The following FMO1 variants were observed in gnomAD, a reference collection of about 807,000 sequenced individuals.
FMO1 encodes the protein flavin-containing monooxygenase 1.
In FMO1, 36 loss-of-function variants were observed where a neutral mutation model predicts 45.4. That is an observed-to-expected ratio of 0.79 (90% CI 0.61 to 1.05). FMO1 has a LOEUF of 1.05. Among genes scored for constraint, FMO1 ranks in the 50% least tolerant of loss-of-function variants. The pLI is 0.00. For synonymous variants in FMO1, 228 were observed against 227.2 expected (o/e 1.00, Z -0.03); for missense variants, 615 against 640.3 (o/e 0.96, Z 0.43).
intron 2 of FMO1, among the ~76,000 whole-genome samples, chr1:171,261,819 C>G (rs1660389828): frequency 6.6e-6 from 1 of 152,134 alleles, no homozygotes. Flanking sequence ...CCAGCTACCA[C>G]AGTTTTAAGG....
intron 8 of FMO1, among the ~76,000 whole-genome samples, chr1:171,284,737 AAAAAAAGAAAAAAG>A (rs1438593448): frequency 2.0e-5 from 3 of 151,244 alleles, no homozygotes; most frequent in Non-Finnish European, 4.4e-5. Context: ...GTAAAAAAAA[AAAAAAAGAAAAAAG>A]AAAAAAAGAA....
In FMO1 at chr1:171,282,252, A is replaced by G. The variant is rs758840236; in HGVS notation, c.1102A>G (p.Ile368Val). 20 of 1,613,870 alleles carry G rather than the reference A, an allele frequency of 1.2e-5. No individual in the cohort carries two copies. Among genetic ancestry groups the G allele is most frequent in the Admixed American group, 3.3e-5 (2 of 59,980 alleles). ...ACATCTGCAAAAGCCAACCCTGGCC[A>G]TTATTGGCCTCATCAAACCCTTGGG... ...PAHLQKPTLAIIGLIKPLGSM... is the reference protein window; with the variant it reads ...PAHLQKPTLAVIGLIKPLGSM... Residue 368 changes from isoleucine (I) to valine (V), a missense_variant, in exon 7 of 9, where the codon ATT (isoleucine) becomes GTT (valine). Ile to Val is a conservative substitution (Grantham distance 29). Transcript: ENST00000617670.
rs1661594546 is a variant in FMO1, at chr1:171,285,516, T to C, written c.1571T>C (p.Leu524Pro). 2 of 1,510,390 alleles carry C rather than the reference T, an allele frequency of 1.3e-6. No homozygotes were observed. Among genetic ancestry groups the C allele is most frequent in the Non-Finnish European group, 1.8e-6 (2 of 1,130,954 alleles). 93.6% of individuals were successfully genotyped at this position (1,510,390 alleles called of 1,614,324 possible). The change falls in exon 9 of 9, where the codon CTT becomes CCT. Residue 524 changes from leucine (L) to proline (P), a missense_variant. Transcript: ENST00000617670. ...AAAGTCTTTAGCTTTCTGGCTTTGC[T>C]TGTGGCTATTTTTCTGATTTTCCTA... ...FLKVFSFLAL[L>P]VAIFLIFL
Position 171,285,011 on chromosome 1 carries a change from A to G in FMO1, c.1257-191A>G, listed in dbSNP as rs188699414. On this transcript the variant is annotated intron_variant, in intron 8 of 8. Transcript: ENST00000617670. ...CCATTAAAAGCCATATGTATAAAGT[A>G]TCTTTTGAAGGGACTCATCTTGATT... is the stretch of plus-strand genomic sequence containing the variant. Among the ~76,000 whole-genome samples the G allele has an allele frequency of 1.4e-3, 212 of 152,334 alleles. 1 individual carries two copies. Among genetic ancestry groups the G allele is most frequent in the African/African-American group, 4.8e-3 (198 of 41,576 alleles).
At chr1:171,272,971 T>G (rs1208868441) in intron 3 of FMO1, among the ~76,000 whole-genome samples, 1 of 151,900 alleles carries the variant, frequency 6.6e-6, no homozygotes, top group Non-Finnish European at 1.5e-5. Context: ...GGGCCAGGGG[T>G]AGAGTAATAT....
At position 171,260,752 on chromosome 1, in the gene FMO1, G is replaced by A. The variant is rs181299971; in HGVS notation, c.132+2533G>A. Among the ~76,000 whole-genome samples the A allele has an allele frequency of 4.1e-3, 625 of 151,740 alleles. 1 individual carries two copies. The highest frequency in any genetic ancestry group is 0.014 in the African/African-American group (595 of 41,374). On this transcript the variant is annotated intron_variant, in intron 2 of 8. Transcript: ENST00000617670. ...TCGAGACCAGCCTGGTCAACATGGC[G>A]AAATCCCATCTCTACTAAAATACAA...
intron 2 of FMO1, among the ~76,000 whole-genome samples, chr1:171,265,433 G>T (rs146480268): frequency 6.6e-5 from 10 of 150,822 alleles, no homozygotes; most frequent in African/African-American, 2.4e-4. Context: ...AAAAAAGAAT[G>T]CTTAGAAAAA....
chr1:171,263,825 T>G (rs1204458952), intron 2 of FMO1, among the ~76,000 whole-genome samples: 1 of 152,096 alleles, frequency 6.6e-6, no homozygotes, highest in Non-Finnish European at 1.5e-5. Context: ...TATTGAAGGC[T>G]GGCAGGGCCT....
chr1:171,258,110 T>C lies in FMO1; in HGVS notation c.23T>C (p.Val8Ala). 1 of 1,614,152 alleles carries C rather than the reference T, an allele frequency of 6.2e-7. No individual in the cohort carries two copies. Among genetic ancestry groups the C allele is most frequent in the Admixed American group, 1.7e-5 (1 of 60,026 alleles). ...AACATGGCCAAGCGAGTTGCCATTG[T>C]GGGAGCTGGGGTCAGCGGCCTGGCC... Reference protein sequence around the residue: MAKRVAIVGAGVSGLASI... With the variant: MAKRVAIAGAGVSGLASI... Residue 8 changes from valine to alanine, a missense_variant, in exon 2 of 9, where the codon GTG becomes GCG. Physicochemically the swap from Val to Ala is moderately conservative, Grantham distance 64 (BLOSUM62 0). Coordinates refer to ENST00000617670, the MANE Select transcript of FMO1 (RefSeq NM_001282693.2).
intron 3 of FMO1, chr1:171,271,176 T>A (rs2101823213): frequency 1.2e-6 from 1 of 855,774 alleles, no homozygotes; most frequent in East Asian, 2.4e-5. Flanking sequence ...GCTTGTCTTC[T>A]GCAGCAGTGT....
intron 4 of FMO1, among the ~76,000 whole-genome samples, chr1:171,277,212 C>G (rs1305320101): frequency 6.6e-6 from 1 of 152,196 alleles, no homozygotes; most frequent in Non-Finnish European, 1.5e-5. Flanking sequence ...AGATGGCACA[C>G]ACTCCTTGCG....
In FMO1 at chr1:171,280,871, G is replaced by C. The variant is rs141233517; in HGVS notation, c.713G>C (p.Arg238Pro). 2 of 1,613,920 alleles carry C rather than the reference G, an allele frequency of 1.2e-6. No individual in the cohort carries two copies. Among genetic ancestry groups the C allele is most frequent in the East Asian group, 2.2e-5 (1 of 44,868 alleles). ...CCATGGGACATGGTGTTCATGACAC[G>C]CTTTCAGAACATGTTGAGAAATTCC... ...GYPWDMVFMTRFQNMLRNSLP... is the reference protein window; with the variant it reads ...GYPWDMVFMTPFQNMLRNSLP... Residue 238 changes from arginine (R) to proline (P), a missense_variant, in exon 6 of 9, where the codon CGC (arginine) becomes CCC (proline). Coordinates refer to ENST00000617670, the MANE Select transcript of FMO1 (RefSeq NM_001282693.2).
At chr1:171,268,043 T>C (rs1036679944) in intron 3 of FMO1, among the ~76,000 whole-genome samples, 3 of 152,206 alleles carry the variant, frequency 2.0e-5, no homozygotes, top group African/African-American at 7.2e-5. Flanking sequence ...ACATGGACAC[T>C]GAGAACCACC....
intron 1 of FMO1, among the ~76,000 whole-genome samples, chr1:171,250,196 C>T (rs959084247): frequency 6.6e-6 from 1 of 152,186 alleles, no homozygotes; most frequent in African/African-American, 2.4e-5. Context: ...CTGAGCACTG[C>T]ACAACTTCTC....
chr1:171,270,576 G>C, intron 3 of FMO1: 1 of 983,900 alleles, frequency 1.0e-6, no homozygotes, highest in Non-Finnish European at 1.2e-6. Context: ...TGCAATTACA[G>C]AGTGGTATTC....
rs757288392 is a variant in FMO1 at position 171,267,633 on chromosome 1, C to G, written c.223C>G (p.Pro75Ala). Residue 75 changes from proline to alanine, a missense_variant, in exon 3 of 9, where the codon CCA becomes GCA. By Grantham distance (27) the Pro-to-Ala change is conservative. Coordinates refer to ENST00000617670, the MANE Select transcript of FMO1 (RefSeq NM_001282693.2). The part of the protein sequence containing the change: ...EMSCYSDFPF[P>A]EDYPNYVPNS... The stretch of plus-strand genomic sequence containing the variant: ...GTCTTGTTACTCAGACTTTCCATTC[C>G]CAGAAGATTATCCAAACTATGTGCC... The G allele has an allele frequency of 6.2e-7, 1 of 1,613,990 alleles. No homozygotes were observed. The highest frequency in any genetic ancestry group is 1.1e-5 in the South Asian group (1 of 91,082).
chr1:171,250,991 C>T (rs570293364), intron 1 of FMO1, among the ~76,000 whole-genome samples: 1 of 152,266 alleles, frequency 6.6e-6, no homozygotes, highest in Non-Finnish European at 1.5e-5. Flanking sequence ...GAGAAGTTTG[C>T]ATAACTTCAG....
intron 3 of FMO1, among the ~76,000 whole-genome samples, chr1:171,273,289 C>A (rs1660949338): frequency 6.6e-6 from 1 of 152,178 alleles, no homozygotes; most frequent in African/African-American, 2.4e-5. Flanking sequence ...ATTGCCCAGT[C>A]TCTAGTCTGT....
intron 2 of FMO1, among the ~76,000 whole-genome samples, chr1:171,265,308 A>G (rs1302993844): frequency 1.3e-5 from 2 of 151,138 alleles, no homozygotes; most frequent in East Asian, 2.0e-4. Context: ...GGAGAATGGC[A>G]TGAACCCGGG....
Sources: allele counts gnomAD v4.1 joint callset (sites outside exome capture counted in the v4.1 genomes callset), GRCh38; gene constraint gnomAD v4.1.1; transcripts MANE v1.5; gene names NCBI Gene and HGNC (gene_info 2026-07-23, HGNC 2026-07-21).